Variants in TXNRD3 observed in about 807,000 individuals in gnomAD.
TXNRD3 encodes the protein thioredoxin reductase 3, also known as TXNRD3 neighbor gene protein.
In TXNRD3, 68 loss-of-function variants were observed where a neutral mutation model predicts 78.2. The ratio of observed to expected loss-of-function variants is 0.87; its 90% CI spans 0.72 to 1.06. The LOEUF is 1.06. Ranked by LOEUF, TXNRD3 falls within the 50% of genes least tolerant of loss-of-function variation. The pLI is 0.00. For missense variants in TXNRD3, 751 were observed against 809.5 expected (o/e 0.93, Z 0.88); for synonymous variants, 296 against 300.1 (o/e 0.99, Z 0.14).
rs5852488 is a variant in TXNRD3, at chr3:126,631,202, T to TA, written c.972-266dup. 2.3e-3 allele frequency among the ~76,000 whole-genome samples: 343 copies of TA among 150,066 alleles called. 3 individuals are homozygous for TA. Among genetic ancestry groups the TA allele is most frequent in the African/African-American group, 7.3e-3 (300 of 40,834 alleles). ...AAATATCAGACTACATTACATGTGA[T>TA]AAAAAAAAAAACCTGTTTGTTTTGG... is the stretch of plus-strand genomic sequence containing the variant. On this transcript the variant is annotated intron_variant, in intron 8 of 15. Coordinates refer to ENST00000524230, the MANE Select transcript of TXNRD3 (RefSeq NM_052883.3).
intron 12 of TXNRD3, among the ~76,000 whole-genome samples, chr3:126,621,346 G>A (rs1938451483): frequency 6.6e-6 from 1 of 152,200 alleles, no homozygotes; most frequent in African/African-American, 2.4e-5. Flanking sequence ...TGCTATTACA[G>A]TGCAACAGTC....
Position 126,654,798 on chromosome 3 carries a change from G to A in TXNRD3, c.193C>T (p.Arg65Cys). ...TTGCTGAAGATCACCACCCGGCTGC[G>A]CTCGATGAGGCCCACGAGGTGGCGG... Residue 65 changes from arginine (R) to cysteine (C), a missense_variant, in exon 1 of 16, where the codon CGC becomes TGC. Coordinates refer to ENST00000524230, the MANE Select transcript of TXNRD3 (RefSeq NM_052883.3). 7.0e-7 allele frequency: 1 copy of A among 1,431,018 alleles called. No homozygotes were observed. Among genetic ancestry groups the A allele is most frequent in the Non-Finnish European group, 9.1e-7 (1 of 1,093,544 alleles). 88.6% of individuals were successfully genotyped at this position (1,431,018 alleles called of 1,614,324 possible).
intron 15 of TXNRD3, among the ~76,000 whole-genome samples, chr3:126,608,283 C>G (rs1036763868): frequency 1.3e-5 from 2 of 152,108 alleles, no homozygotes; most frequent in Admixed American, 1.3e-4. Context: ...ATCACTTGCA[C>G]CTGGGAGGTG....
intron 14 of TXNRD3, 135 bp downstream of exon 14, chr3:126,610,902 C>T (rs1938184122): frequency 2.0e-6 from 1 of 491,444 alleles, no homozygotes; most frequent in Non-Finnish European, 3.5e-6. Context: ...TCACTTGAGG[C>T]CAGGAGTTGG....
In TXNRD3 at chr3:126,654,814, G is replaced by C. The variant is rs1278262524; in HGVS notation, c.177C>G (p.Leu59=). 1 of 1,422,590 alleles carries C rather than the reference G, an allele frequency of 7.0e-7. No homozygotes were observed. Among genetic ancestry groups the C allele is most frequent in the Non-Finnish European group, 9.2e-7 (1 of 1,089,188 alleles). The allele number at this position is 1,422,590 out of a possible 1,614,324, so 88.1% of individuals were successfully genotyped here. ...CCCGGCTGCGCTCGATGAGGCCCAC[G>C]AGGTGGCGGCGCAGCTCCTCGCGGG... Residue 59 remains leucine (L), a synonymous_variant, in exon 1 of 16, where the codon CTC becomes CTG. Coordinates refer to ENST00000524230, the MANE Select transcript of TXNRD3 (RefSeq NM_052883.3).
At chr3:126,626,031 C>G (rs544660620) in intron 10 of TXNRD3, 2 of 152,410 alleles carry the variant, frequency 1.3e-5, no homozygotes, top group South Asian at 4.1e-4. Context: ...AATCAACGGA[C>G]AGTGAAATGG....
At chr3:126,650,701 A>G (rs1346135519) in intron 1 of TXNRD3, among the ~76,000 whole-genome samples, 1 of 152,034 alleles carries the variant, frequency 6.6e-6, no homozygotes, top group African/African-American at 2.4e-5. Context: ...CCATTTTCCA[A>G]TGAATCTTCC....
At chr3:126,645,344 G>A (rs1296443296) in intron 3 of TXNRD3, among the ~76,000 whole-genome samples, 1 of 152,202 alleles carries the variant, frequency 6.6e-6, no homozygotes, top group Non-Finnish European at 1.5e-5. Flanking sequence ...CATTTTCCAA[G>A]TTAGGATTGG....
chr3:126,623,382 A>C (rs1480646949), intron 10 of TXNRD3, among the ~76,000 whole-genome samples: 1 of 152,202 alleles, frequency 6.6e-6, no homozygotes, highest in African/African-American at 2.4e-5. Flanking sequence ...AAAATCAGAC[A>C]AGTGCATTAA....
At chr3:126,628,806 T>C (rs1235462049) in intron 10 of TXNRD3, among the ~76,000 whole-genome samples, 3 of 152,130 alleles carry the variant, frequency 2.0e-5, no homozygotes, top group African/African-American at 4.8e-5. Context: ...GATTTTTGGA[T>C]TTTGGTTTTG....
intron 12 of TXNRD3, among the ~76,000 whole-genome samples, chr3:126,618,600 T>C (rs1938368197): frequency 6.6e-6 from 1 of 152,036 alleles, no homozygotes; most frequent in Non-Finnish European, 1.5e-5. Flanking sequence ...AGTCCCCAAA[T>C]TATAAAACTA....
At chr3:126,633,073 AT>A (rs938510492) in intron 7 of TXNRD3, among the ~76,000 whole-genome samples, 1 of 152,154 alleles carries the variant, frequency 6.6e-6, no homozygotes, top group African/African-American at 2.4e-5. Flanking sequence ...ATCCTATTAT[AT>A]TTTTTTAGGG....
In TXNRD3 at chr3:126,611,061, C is replaced by T. The variant is rs1412571655; in HGVS notation, c.1704G>A (p.Lys568=). Residue 568 remains lysine (K), a synonymous_variant, in exon 14 of 16, where the codon AAG becomes AAA. Transcript: ENST00000524230. Reference sequence around the variant, plus strand: ...CATGGTCGAATTTATTGCAGATTATCTTTGCATAACAAGTGTTGTTCTCTC... The same window carrying T: ...CATGGTCGAATTTATTGCAGATTATTTTTGCATAACAAGTGTTGTTCTCTC... 1 of 1,521,878 alleles carries T rather than the reference C, an allele frequency of 6.6e-7. No individual in the cohort carries two copies. Among genetic ancestry groups the T allele is most frequent in the East Asian group, 2.5e-5 (1 of 40,558 alleles). 94.3% of individuals were successfully genotyped at this position (1,521,878 alleles called of 1,614,324 possible).
chr3:126,607,605 C>T lies in TXNRD3; in HGVS notation c.*300G>A. 1 of 274,762 alleles carries T rather than the reference C, an allele frequency of 3.6e-6. No homozygotes were observed. Among genetic ancestry groups the T allele is most frequent in the Non-Finnish European group, 6.8e-6 (1 of 147,810 alleles). 17.0% of individuals were successfully genotyped at this position (274,762 alleles called of 1,614,324 possible). On this transcript the variant is annotated 3_prime_UTR_variant, in exon 16 of 16. Transcript: ENST00000524230. Reference sequence around the variant, plus strand: ...TGAATGGTGCCACTCAAAGGTCTTTCCGAGGGAAGCTCAGTCCTGGCTTGC... The same window carrying T: ...TGAATGGTGCCACTCAAAGGTCTTTTCGAGGGAAGCTCAGTCCTGGCTTGC...
At chr3:126,612,636 T>C (rs1938226143) in intron 13 of TXNRD3, among the ~76,000 whole-genome samples, 1 of 152,216 alleles carries the variant, frequency 6.6e-6, no homozygotes, top group South Asian at 2.1e-4. Context: ...TGATGTGTTC[T>C]ATCACTTCTG....
chr3:126,642,271 C>CATTGAG, intron 5 of TXNRD3, 120 bp from the exon 6 acceptor site: 1 of 1,276,214 alleles, frequency 7.8e-7, no homozygotes, highest in South Asian at 1.8e-5. Flanking sequence ...GACACCCCAC[C>CATTGAG]CCAAAATAAG....
rs576078193 is a variant in TXNRD3, at chr3:126,630,564, G to T, written c.1197+148C>A. The stretch of plus-strand genomic sequence containing the variant: ...CCTATATCAGAAGAGGGGACGAGGG[G>T]GAAAATGGGGTTGGCTCTGTAGACT... On this transcript the variant is annotated intron_variant, in intron 9 of 15. Coordinates refer to ENST00000524230, the MANE Select transcript of TXNRD3 (RefSeq NM_052883.3). 11 of 817,880 alleles carry T rather than the reference G, an allele frequency of 1.3e-5. 1 individual carries two copies. The South Asian group carries it at 1.8e-4, about 13-fold the overall frequency. The allele number at this position is 817,880 out of a possible 1,614,324, so 50.7% of individuals were successfully genotyped here. A position where few individuals can be genotyped will look rare whatever the true frequency, so the allele number is the denominator to read the frequency against.
At chr3:126,629,182 C>T (rs1016921971) in intron 10 of TXNRD3, among the ~76,000 whole-genome samples, 197 bp downstream of exon 10, 6 of 152,132 alleles carry the variant, frequency 3.9e-5, no homozygotes, top group African/African-American at 9.7e-5. Context: ...CGCATACACA[C>T]ATACTTTACC....
At chr3:126,609,274 G>C (rs1458580967) in intron 14 of TXNRD3, 1 of 265,166 alleles carries the variant, frequency 3.8e-6, no homozygotes, top group Middle Eastern at 4.3e-4. Flanking sequence ...TAGATGAAGA[G>C]AAAGACTATA....
Sources: allele counts gnomAD v4.1 joint callset (sites outside exome capture counted in the v4.1 genomes callset), GRCh38; gene constraint gnomAD v4.1.1; transcripts MANE v1.5; gene names NCBI Gene and HGNC (gene_info 2026-07-23, HGNC 2026-07-21).